Variants in ISM1 observed in about 807,000 individuals in gnomAD.
The protein encoded by ISM1 is isthmin 1.
A neutral mutation model predicts 46.3 loss-of-function variants in ISM1; 25 were observed. That is an observed-to-expected ratio of 0.54 (90% CI 0.39 to 0.75). The LOEUF (loss-of-function observed/expected upper bound fraction) is 0.75. ISM1 is among the 30% of genes least tolerant of loss of function. The pLI, the probability that ISM1 is intolerant of heterozygous loss-of-function variation, is 0.00. For synonymous variants in ISM1, 255 were observed against 256.7 expected (o/e 0.99, Z 0.06); for missense variants, 536 against 625.4 (o/e 0.86, Z 1.52).
intron 2 of ISM1, among the ~76,000 whole-genome samples, chr20:13,277,883 C>T (rs931606149): frequency 1.3e-5 from 2 of 152,252 alleles, no homozygotes; most frequent in African/African-American, 4.8e-5. Flanking sequence ...ACAGCCCGGG[C>T]CCATTGGCTG....
At chr20:13,224,849 T>C (rs1455639904) in intron 1 of ISM1, among the ~76,000 whole-genome samples, 1 of 141,940 alleles carries the variant, frequency 7.0e-6, no homozygotes, top group East Asian at 2.0e-4. Flanking sequence ...TTCTTTTTTT[T>C]TTTTTTTTTT....
At chr20:13,257,675 G>T (rs893528011) in intron 1 of ISM1, among the ~76,000 whole-genome samples, 1 of 151,820 alleles carries the variant, frequency 6.6e-6, no homozygotes, top group Non-Finnish European at 1.5e-5. Flanking sequence ...GTAAAGCAGT[G>T]TTGGGGTGGA....
the ISM1 span, among the ~76,000 whole-genome samples, chr20:13,315,023 G>T: frequency 1.3e-5 from 2 of 151,946 alleles, no homozygotes; most frequent in African/African-American, 4.8e-5. Flanking sequence ...CTAAAAAAAA[G>T]TTTAAAAGGA....
chr20:13,261,642 TA>T (rs1327428273), intron 1 of ISM1, among the ~76,000 whole-genome samples: 24 of 152,324 alleles, frequency 1.6e-4, no homozygotes, highest in African/African-American at 5.5e-4. Context: ...CTTTCCACAG[TA>T]CCCTGAACCC....
At chr20:13,222,493 T>A (rs1460093138) in intron 1 of ISM1, among the ~76,000 whole-genome samples, 2 of 151,912 alleles carry the variant, frequency 1.3e-5, no homozygotes, top group Admixed American at 6.6e-5. Flanking sequence ...TCGCCTGAGG[T>A]TCCCCCCTCC....
At chr20:13,311,010 A>G in the ISM1 span, among the ~76,000 whole-genome samples, 13 of 152,190 alleles carry the variant, frequency 8.5e-5, no homozygotes, top group African/African-American at 2.9e-4. Context: ...CCTGGCCATC[A>G]TGGTGAAACC....
intron 1 of ISM1, among the ~76,000 whole-genome samples, chr20:13,247,326 AAC>A (rs3041815): frequency 0.082 from 12,406 of 152,156 alleles, 611 homozygotes; most frequent in East Asian, 0.17. Context: ...ACTTACCAAA[AAC>A]ACAGCATCAG....
At chr20:13,278,619 G>A (rs1212972566) in intron 2 of ISM1, among the ~76,000 whole-genome samples, 5 of 152,192 alleles carry the variant, frequency 3.3e-5, no homozygotes, top group Admixed American at 3.3e-4. Flanking sequence ...AGTTGTTGAT[G>A]TCTCTGTGCA....
At chr20:13,289,142 G>A (rs557259771) in intron 4 of ISM1, among the ~76,000 whole-genome samples, 1 of 152,162 alleles carries the variant, frequency 6.6e-6, no homozygotes, top group Non-Finnish European at 1.5e-5. Flanking sequence ...GAGCTGAATG[G>A]ATTTTCTGAG....
intron 1 of ISM1, among the ~76,000 whole-genome samples, 176 bp downstream of exon 1, chr20:13,222,090 C>T (rs1211811043): frequency 1.3e-5 from 2 of 152,170 alleles, no homozygotes; most frequent in African/African-American, 2.4e-5. Context: ...GGAGCGGGGG[C>T]ACGTGCCTGG....
intron 1 of ISM1, among the ~76,000 whole-genome samples, chr20:13,240,069 C>A (rs1416288513): frequency 6.6e-6 from 1 of 152,200 alleles, no homozygotes; most frequent in Non-Finnish European, 1.5e-5. Flanking sequence ...TACAACCAAA[C>A]TGCAGTAAGG....
Position 13,270,503 on chromosome 20 carries a change from G to T in ISM1, c.139-1G>T, listed in dbSNP as rs200335961. 1.2e-6 allele frequency: 2 copies of T among 1,610,890 alleles called. No homozygotes were observed. Among genetic ancestry groups the T allele is most frequent in the Non-Finnish European group, 1.7e-6 (2 of 1,178,616 alleles). On this transcript the variant is annotated splice_acceptor_variant, in intron 1 of 5. Transcript: ENST00000262487. LOFTEE classifies it high-confidence loss of function. ...GGTGTTTGCTTGTTTGTTTGTTTTAGAATAACCTCAACGTGGGAAGTGACA... is the reference window on the plus strand; with the variant it reads ...GGTGTTTGCTTGTTTGTTTGTTTTATAATAACCTCAACGTGGGAAGTGACA...
chr20:13,288,395 C>A, intron 3 of ISM1, 145 bp from the exon 4 acceptor site: 2 of 844,602 alleles, frequency 2.4e-6, no homozygotes, highest in Non-Finnish European at 3.6e-6. Flanking sequence ...AGCTGTAAAC[C>A]TTTTAGCTCC....
the ISM1 span, among the ~76,000 whole-genome samples, chr20:13,325,360 C>T: frequency 6.6e-6 from 1 of 152,182 alleles, no homozygotes; most frequent in Non-Finnish European, 1.5e-5. Flanking sequence ...GTATTTGTTT[C>T]GAACTCCTGC....
chr20:13,254,506 C>G (rs2039904469), intron 1 of ISM1, among the ~76,000 whole-genome samples: 1 of 152,214 alleles, frequency 6.6e-6, no homozygotes, highest in African/African-American at 2.4e-5. Context: ...GCTTCCTAAA[C>G]CCCTGCTGCT....
At chr20:13,273,012 A>T (rs1568681196) in intron 2 of ISM1, among the ~76,000 whole-genome samples, 1 of 152,172 alleles carries the variant, frequency 6.6e-6, no homozygotes, top group Non-Finnish European at 1.5e-5. Flanking sequence ...TGATTTAAGA[A>T]TTACTAACGC....
chr20:13,260,769 AGTCAGCTTTT>A (rs2039980352), intron 1 of ISM1, among the ~76,000 whole-genome samples: 1 of 152,208 alleles, frequency 6.6e-6, no homozygotes, highest in Admixed American at 6.5e-5. Flanking sequence ...GTCCTATATC[AGTCAGCTTTT>A]GTTGTGTAAC....
intron 1 of ISM1, among the ~76,000 whole-genome samples, chr20:13,268,065 T>C (rs981233023): frequency 6.6e-6 from 1 of 151,858 alleles, no homozygotes; most frequent in African/African-American, 2.4e-5. Flanking sequence ...TGGGATGTCA[T>C]CGAGAAATCT....
chr20:13,290,541 C>T (rs933835352), intron 4 of ISM1, among the ~76,000 whole-genome samples: 7 of 151,862 alleles, frequency 4.6e-5, no homozygotes, highest in East Asian at 1.9e-4. Flanking sequence ...CCCAGCTACT[C>T]GGGAGGCTGA....
Sources: allele counts gnomAD v4.1 joint callset (sites outside exome capture counted in the v4.1 genomes callset), GRCh38; gene constraint gnomAD v4.1.1; transcripts MANE v1.5; gene names NCBI Gene and HGNC (gene_info 2026-07-23, HGNC 2026-07-21).